Variants in EPRS1 observed in about 807,000 individuals in gnomAD.
The protein encoded by EPRS1 is bifunctional glutamate/proline--tRNA ligase.
In EPRS1, 107 loss-of-function variants were observed where a neutral mutation model predicts 188.3. The observed-to-expected ratio is 0.57, with a 90% CI of 0.49 to 0.67. EPRS1 has a LOEUF of 0.67. EPRS1 is among the 30% of genes least tolerant of loss of function. The pLI, the probability that EPRS1 is intolerant of heterozygous loss-of-function variation, is 0.00. For synonymous variants in EPRS1, 596 were observed against 593.1 expected (o/e 1.00, Z -0.07); for missense variants, 1,577 against 1,802.2 (o/e 0.88, Z 2.26).
At chr1:219,993,533 A>T (rs924248292) in intron 18 of EPRS1, among the ~76,000 whole-genome samples, 1 of 152,250 alleles carries the variant, frequency 6.6e-6, no homozygotes, top group Non-Finnish European at 1.5e-5. Context: ...TAAAAACAAA[A>T]CAAAAAACAG....
rs571160638 is a variant in EPRS1 at position 219,992,954 on chromosome 1, G to T, written c.2541+4029C>A. On this transcript the variant is annotated intron_variant, in intron 18 of 31. Coordinates refer to ENST00000366923, the MANE Select transcript of EPRS1 (RefSeq NM_004446.3). Reference sequence around the variant, plus strand: ...TTCATTTACAAAGAACAGGCGTACGGCCAGGCCCAGCAGCTCACATCAGTA... The same window carrying T: ...TTCATTTACAAAGAACAGGCGTACGTCCAGGCCCAGCAGCTCACATCAGTA... Among the ~76,000 whole-genome samples, 129 of 151,348 alleles carry T rather than the reference G, an allele frequency of 8.5e-4. 1 individual carries two copies. The highest frequency in any genetic ancestry group is 3.0e-3 in the African/African-American group (122 of 41,216).
chr1:220,029,382 A>T (rs1313569033), intron 6 of EPRS1, among the ~76,000 whole-genome samples: 2 of 152,194 alleles, frequency 1.3e-5, no homozygotes, highest in Admixed American at 1.3e-4. Flanking sequence ...GAATCAGCAA[A>T]CATAGAAAAG....
At chr1:219,985,062 A>AAG (rs893993482) in intron 20 of EPRS1, among the ~76,000 whole-genome samples, 4 of 151,838 alleles carry the variant, frequency 2.6e-5, no homozygotes, top group African/African-American at 9.7e-5. Flanking sequence ...AAAAAAAAAA[A>AAG]AAAGAAAGAA....
At chr1:219,969,824 A>G (rs1320620140) in intron 30 of EPRS1, among the ~76,000 whole-genome samples, 1 of 152,116 alleles carries the variant, frequency 6.6e-6, no homozygotes, top group Non-Finnish European at 1.5e-5. Context: ...AGCATTAAAA[A>G]AAAATTTTTT....
At chr1:219,969,022 A>C in intron 31 of EPRS1, 36 bp downstream of exon 31, 1 of 1,612,250 alleles carries the variant, frequency 6.2e-7, no homozygotes, top group South Asian at 1.1e-5. Context: ...TTTCCATTGC[A>C]ATTTTTCAAA....
chr1:220,000,852 A>G (rs528438644), intron 17 of EPRS1, among the ~76,000 whole-genome samples: 1 of 152,260 alleles, frequency 6.6e-6, no homozygotes, highest in South Asian at 2.1e-4. Flanking sequence ...GTCATGGTGC[A>G]CGCTTGTAAT....
chr1:219,978,762 T>TA (rs747029259), intron 27 of EPRS1, 43 bp from the exon 28 acceptor site: 47 of 1,504,664 alleles, frequency 3.1e-5, no homozygotes, highest in Non-Finnish European at 4.2e-5. Context: ...AAGAAACAGA[T>TA]ATAGAAGTAA....
intron 6 of EPRS1, among the ~76,000 whole-genome samples, chr1:220,026,286 T>C (rs1378046817): frequency 6.6e-6 from 1 of 152,186 alleles, no homozygotes; most frequent in Non-Finnish European, 1.5e-5. Context: ...CTGCTGTTCC[T>C]GTGAGCAGCT....
At chr1:220,032,314 C>T in intron 5 of EPRS1, 73 bp downstream of exon 5, 5 of 1,247,940 alleles carry the variant, frequency 4.0e-6, no homozygotes, top group Non-Finnish European at 5.5e-6. Flanking sequence ...TCTCAATCTC[C>T]TGACCTTGTG....
chr1:220,001,303 C>T, intron 16 of EPRS1, 48 bp from the exon 17 acceptor site: 1 of 1,065,776 alleles, frequency 9.4e-7, no homozygotes, highest in Non-Finnish European at 1.5e-6. Context: ...ACAAAATTAT[C>T]TGAACAGCAA....
At position 220,030,441 on chromosome 1, in the gene EPRS1, G is replaced by A. The variant is rs1293828261; in HGVS notation, c.568C>T (p.Leu190Phe). ...KKQDVGKFVE[L>F]PGAEMGKVTV... ...ACCTTTCCCATCTCCGCACCTGGAA[G>A]CTCAACAAATTTCCCAACATCTTGC... Residue 190 changes from leucine (L) to phenylalanine (F), a missense_variant, in exon 6 of 32, where the codon CTT becomes TTT. Around this residue, in one of 3 missense-constraint regions of EPRS1, gnomAD observed 1,278 missense variants for 1,457.4 expected, o/e 0.88. Coordinates refer to ENST00000366923, the MANE Select transcript of EPRS1 (RefSeq NM_004446.3). 6.2e-7 allele frequency: 1 copy of A among 1,613,968 alleles called. No homozygotes were observed. The highest frequency in any genetic ancestry group is 8.5e-7 in the Non-Finnish European group (1 of 1,179,996).
intron 20 of EPRS1, among the ~76,000 whole-genome samples, chr1:219,985,503 G>A (rs369970973): frequency 2.0e-5 from 3 of 152,012 alleles, no homozygotes; most frequent in East Asian, 1.9e-4. Flanking sequence ...AGCGATTCTC[G>A]TGCCTCAGCC....
chr1:219,980,066 C>T lies in EPRS1; in HGVS notation c.3711+19G>A. The T allele has an allele frequency of 6.2e-7, 1 of 1,610,692 alleles. No homozygotes were observed. Among genetic ancestry groups the T allele is most frequent in the Non-Finnish European group, 8.5e-7 (1 of 1,177,658 alleles). On this transcript the variant is annotated intron_variant, in intron 26 of 31. Coordinates refer to ENST00000366923, the MANE Select transcript of EPRS1 (RefSeq NM_004446.3). ...CTGTGCTTACAGTGACCTACGAATC[C>T]TGTGTGGCAGTTTGATACCTGGATA...
intron 30 of EPRS1, chr1:219,969,345 C>A: frequency 1.9e-6 from 1 of 518,516 alleles, no homozygotes; most frequent in Non-Finnish European, 3.4e-6. Flanking sequence ...CACAGCACAT[C>A]AAGACACAAC....
At chr1:219,992,648 C>T (rs1046599664) in intron 18 of EPRS1, among the ~76,000 whole-genome samples, 8 of 152,286 alleles carry the variant, frequency 5.3e-5, no homozygotes, top group African/African-American at 9.6e-5. Context: ...ATTTACAGGC[C>T]GGGTGTAGTG....
chr1:220,006,212 T>C lies in EPRS1; in HGVS notation c.1844A>G (p.His615Arg), dbSNP rs1408197224. The C allele has an allele frequency of 9.3e-6, 15 of 1,606,278 alleles. No individual in the cohort carries two copies. Among genetic ancestry groups the C allele is most frequent in the Non-Finnish European group, 1.3e-5 (15 of 1,175,060 alleles). Residue 615 changes from histidine (H) to arginine (R), a missense_variant, in exon 15 of 32, where the codon CAT becomes CGT. Transcript: ENST00000366923. ...ACAGATTACTGGAATAGGAAGAGCA[T>C]GTGTAGTCTCTGCAAGCCAAGTGAC... ...TKVTWLAETTHALPIPVICVT... is the reference protein window; with the variant it reads ...TKVTWLAETTRALPIPVICVT...
intron 23 of EPRS1, 115 bp from the exon 24 acceptor site, chr1:219,981,572 G>A: frequency 1.9e-6 from 1 of 518,496 alleles, no homozygotes; most frequent in East Asian, 3.0e-5. Flanking sequence ...AAATAAATTT[G>A]AAAAATAAAA....
At chr1:220,041,801 T>C (rs936047064) in intron 1 of EPRS1, among the ~76,000 whole-genome samples, 1 of 151,174 alleles carries the variant, frequency 6.6e-6, no homozygotes, top group Admixed American at 6.6e-5. Context: ...GATTGCACTA[T>C]TGCACTCCAG....
At chr1:220,006,075 AAGGTGAAAT>A (rs781276934) in intron 15 of EPRS1, 22 bp downstream of exon 15, 1 of 1,307,292 alleles carries the variant, frequency 7.6e-7, no homozygotes, top group Non-Finnish European at 1.0e-6. Flanking sequence ...GAAAATTTAA[AAGGTGAAAT>A]ATGGTTTCTT....
Sources: gnomAD v4.1 joint callset for allele counts (sites outside exome capture counted in the v4.1 genomes callset) on GRCh38, gnomAD v4.1.1 for gene constraint, gnomAD v4.1.1 regional missense constraint, MANE v1.5 for transcripts, NCBI Gene and HGNC (gene_info 2026-07-23, HGNC 2026-07-21) for gene names.